Variants in FBXO15 observed in about 807,000 individuals in gnomAD.
The protein encoded by FBXO15 is F-box only protein 15.
In FBXO15, 30 loss-of-function variants were observed where a neutral mutation model predicts 49.5. The ratio of observed to expected loss-of-function variants is 0.61; its 90% CI spans 0.45 to 0.82. The LOEUF is 0.82. Among genes scored for constraint, FBXO15 ranks in the 40% least tolerant of loss-of-function variants. FBXO15 has a pLI of 0.00. For missense variants in FBXO15, 591 were observed against 631.5 expected, an observed-to-expected ratio of 0.94 and a Z score of 0.69; for synonymous variants, 250 against 232.7, an observed-to-expected ratio of 1.07 and a Z score of -0.68.
chr18:74,123,309 T>A (rs191000719), intron 8 of FBXO15, 59 bp downstream of exon 8: 1 of 1,552,146 alleles, frequency 6.4e-7, no homozygotes, highest in South Asian at 1.2e-5. Flanking sequence ...GACATCAAAA[T>A]TGGTTCCCTC....
Position 74,139,775 on chromosome 18 carries a change from C to T in FBXO15, c.227+427G>A, listed in dbSNP as rs1978950619. On this transcript the variant is annotated intron_variant, in intron 2 of 9. Coordinates refer to ENST00000419743, the MANE Select transcript of FBXO15 (RefSeq NM_001142958.2). Reference sequence around the variant, plus strand: ...TAAACATAATAATTTTTTAAAGCTTCTGTGGATCTTGGTGCTGAGGGTCAC... The same window carrying T: ...TAAACATAATAATTTTTTAAAGCTTTTGTGGATCTTGGTGCTGAGGGTCAC... Among the ~76,000 whole-genome samples, 2 of 152,258 alleles carry T rather than the reference C, an allele frequency of 1.3e-5. 1 individual carries two copies. The highest frequency in any genetic ancestry group is 4.1e-4 in the South Asian group (2 of 4,820).
intron 9 of FBXO15, among the ~76,000 whole-genome samples, chr18:74,077,579 A>G (rs1340530395): frequency 1.3e-5 from 2 of 152,206 alleles, no homozygotes; most frequent in Non-Finnish European, 2.9e-5. Flanking sequence ...TGCTTCCTGC[A>G]TGACAGGGAC....
Position 74,130,417 on chromosome 18 carries a change from T to C in FBXO15, c.574A>G (p.Arg192Gly). The change falls in exon 4 of 10, where the codon AGA (arginine) becomes GGA (glycine). Residue 192 changes from arginine (R) to glycine (G), a missense_variant and splice_region_variant. Coordinates refer to ENST00000419743, the MANE Select transcript of FBXO15 (RefSeq NM_001142958.2). ...GLPVKTKEAL[R>G]IFGLGWAIIL... is the part of the protein sequence containing the mutation. Reference sequence around the variant, plus strand: ...TCTCTTTTGGAACACACTGCGTACCTGAGGGCCTCTTTGGTCTTAACTGGA... The same window carrying C: ...TCTCTTTTGGAACACACTGCGTACCCGAGGGCCTCTTTGGTCTTAACTGGA... 6.2e-7 allele frequency: 1 copy of C among 1,614,104 alleles called. No individual in the cohort carries two copies. Among genetic ancestry groups the C allele is most frequent in the Non-Finnish European group, 8.5e-7 (1 of 1,179,962 alleles).
intron 8 of FBXO15, among the ~76,000 whole-genome samples, chr18:74,085,965 C>G (rs986162826): frequency 5.3e-5 from 8 of 152,112 alleles, no homozygotes; most frequent in Non-Finnish European, 1.0e-4. Flanking sequence ...ATTTGTAACA[C>G]TTTCATAATA....
chr18:74,098,126 C>T (rs933087207), intron 8 of FBXO15: 1 of 152,228 alleles, frequency 6.6e-6, no homozygotes, highest in Non-Finnish European at 1.5e-5. Flanking sequence ...GAACAGCAGC[C>T]TTGAACCCTA....
chr18:74,146,506 C>G (rs1979420146), intron 1 of FBXO15, among the ~76,000 whole-genome samples: 1 of 152,132 alleles, frequency 6.6e-6, no homozygotes, highest in Non-Finnish European at 1.5e-5. Context: ...CCTAATAGAG[C>G]ACTATGTAAA....
At chr18:74,111,827 T>C (rs904450993) in intron 8 of FBXO15, among the ~76,000 whole-genome samples, 1 of 152,090 alleles carries the variant, frequency 6.6e-6, no homozygotes, top group African/African-American at 2.4e-5. Context: ...AGAATACAAA[T>C]TGTTAATATC....
chr18:74,126,007 G>C lies in FBXO15; in HGVS notation c.880C>G (p.Leu294Val). The C allele has an allele frequency of 6.2e-7, 1 of 1,614,114 alleles. No homozygotes were observed. Among genetic ancestry groups the C allele is most frequent in the Non-Finnish European group, 8.5e-7 (1 of 1,179,996 alleles). Reference sequence around the variant, plus strand: ...ACTCCCACCAGGAGGCCAGGGTGCAGGCAGAAGATCCGAATGAGTCTGTCA... The same window carrying C: ...ACTCCCACCAGGAGGCCAGGGTGCACGCAGAAGATCCGAATGAGTCTGTCA... ...GCDRLIRIFCLHPGLLVGVWK... is the reference protein window; with the variant it reads ...GCDRLIRIFCVHPGLLVGVWK... The change falls in exon 6 of 10, where the codon CTG (leucine) becomes GTG (valine). Residue 294 changes from leucine to valine, a missense_variant. Leu to Val is a conservative substitution (Grantham distance 32, BLOSUM62 1). Coordinates refer to ENST00000419743, the MANE Select transcript of FBXO15 (RefSeq NM_001142958.2).
chr18:74,088,739 A>C (rs1912868830), intron 8 of FBXO15, among the ~76,000 whole-genome samples: 1 of 152,158 alleles, frequency 6.6e-6, no homozygotes, highest in Non-Finnish European at 1.5e-5. Flanking sequence ...AATTCTGTGG[A>C]GAATGTCATT....
intron 8 of FBXO15, among the ~76,000 whole-genome samples, chr18:74,121,398 GA>G (rs1048331695): frequency 2.0e-4 from 31 of 151,824 alleles, no homozygotes; most frequent in African/African-American, 7.5e-4. Context: ...ATCTTAACAA[GA>G]AATGTGCAAA....
intron 8 of FBXO15, among the ~76,000 whole-genome samples, chr18:74,102,023 C>G (rs980354843): frequency 6.6e-6 from 1 of 151,898 alleles, no homozygotes; most frequent in Non-Finnish European, 1.5e-5. Flanking sequence ...TAGAAGATAA[C>G]ACTGGAAAAA....
chr18:74,138,369 T>G (rs1978851581), intron 2 of FBXO15, among the ~76,000 whole-genome samples: 1 of 152,122 alleles, frequency 6.6e-6, no homozygotes, highest in South Asian at 2.1e-4. Context: ...CATGCCCTGC[T>G]GCCTCCTCCC....
In FBXO15 at chr18:74,125,991, A is replaced by G; in HGVS notation, c.896T>C (p.Leu299Pro). ...AAGTCTTACCTTCCACACTCCCACC[A>G]GGAGGCCAGGGTGCAGGCAGAAGAT... ...IRIFCLHPGL[L>P]VGVWKKEEEL... The change falls in exon 6 of 10, where the codon CTG (leucine) becomes CCG (proline). Residue 299 changes from leucine to proline, a missense_variant. Coordinates refer to ENST00000419743, the MANE Select transcript of FBXO15 (RefSeq NM_001142958.2). 1 of 1,614,138 alleles carries G rather than the reference A, an allele frequency of 6.2e-7. No homozygotes were observed.
chr18:74,094,631 T>C (rs912733267), intron 8 of FBXO15, among the ~76,000 whole-genome samples: 6 of 152,234 alleles, frequency 3.9e-5, no homozygotes, highest in African/African-American at 1.4e-4. Flanking sequence ...TATAAACAGA[T>C]ATGCTGTCAT....
chr18:74,087,555 A>G (rs975613262), intron 8 of FBXO15, among the ~76,000 whole-genome samples: 9 of 152,078 alleles, frequency 5.9e-5, no homozygotes, highest in Non-Finnish European at 8.8e-5. Flanking sequence ...GTTGGTGTAA[A>G]GGACATGGCT....
chr18:74,124,642 G>A (rs1323523363), intron 6 of FBXO15, 71 bp from the exon 7 acceptor site: 3 of 1,299,846 alleles, frequency 2.3e-6, no homozygotes, highest in Non-Finnish European at 3.3e-6. Context: ...TCATTGTGAA[G>A]ATCACAGCAC....
chr18:74,108,325 G>C (rs1256865592), intron 8 of FBXO15, among the ~76,000 whole-genome samples: 2 of 151,888 alleles, frequency 1.3e-5, no homozygotes. Context: ...GCAAGAATAG[G>C]TAAGCAATGT....
intron 8 of FBXO15, among the ~76,000 whole-genome samples, chr18:74,120,822 T>A (rs543258992): frequency 6.6e-6 from 1 of 150,908 alleles, no homozygotes; most frequent in South Asian, 2.1e-4. Flanking sequence ...GAAATCAACA[T>A]GCAAATCAAT....
Position 74,123,485 on chromosome 18 carries a change from G to T in FBXO15, c.1021C>A (p.Pro341Thr), listed in dbSNP as rs1914559664. ...TIPYELPPHSPFLDDSPEYGL... is the reference protein window; with the variant it reads ...TIPYELPPHSTFLDDSPEYGL... ...TACTCGGGGCTATCATCCAAAAAGG[G>T]GCTATGTGGAGGCAGTTCATAGGGG... The change falls in exon 8 of 10, where the codon CCC becomes ACC. Residue 341 changes from proline (P) to threonine (T), a missense_variant. Physicochemically the swap from Pro to Thr is conservative, Grantham distance 38 (BLOSUM62 -1). Transcript: ENST00000419743. The T allele has an allele frequency of 3.7e-6, 6 of 1,612,722 alleles. No homozygotes were observed. The highest frequency in any genetic ancestry group is 1.1e-5 in the South Asian group (1 of 90,784).
Sources: allele counts gnomAD v4.1 joint callset (sites outside exome capture counted in the v4.1 genomes callset), GRCh38; gene constraint gnomAD v4.1.1; transcripts MANE v1.5; gene names NCBI Gene and HGNC (gene_info 2026-07-23, HGNC 2026-07-21).